PKIB: variants seen among roughly 807,000 people sequenced by gnomAD.
PKIB encodes PKI-beta.
Under a neutral mutation model 4.5 loss-of-function variants are expected in PKIB, and 2 were observed. The observed-to-expected ratio is 0.44, with a 90% CI of 0.18 to 1.39. The LOEUF (loss-of-function observed/expected upper bound fraction) is 1.39. PKIB is among the 40% of genes most tolerant of loss of function. The probability of loss-of-function intolerance (pLI) is 0.27; values close to 1 mark genes in which losing one functional copy is unlikely to be tolerated. For synonymous variants in PKIB, 38 were observed against 36.0 expected (o/e 1.06, Z -0.20); for missense variants, 94 against 92.6 (o/e 1.02, Z -0.06).
chr6:122,614,729 A>G (rs1410686112), intron 1 of PKIB, among the ~76,000 whole-genome samples: 1 of 152,156 alleles, frequency 6.6e-6, no homozygotes, highest in South Asian at 2.1e-4. Context: ...GAGCTAATAC[A>G]TCTCAGAAGA....
At chr6:122,578,577 G>C (rs1237845142) in intron 2 of PKIB, among the ~76,000 whole-genome samples, 2 of 152,038 alleles carry the variant, frequency 1.3e-5, no homozygotes, top group African/African-American at 4.8e-5. Context: ...CTTTGTCTAA[G>C]CCATCTTTCC....
Position 122,562,004 on chromosome 6 carries a change from G to GTTTTTTTTTT in PKIB, c.-247-23911_-247-23902dup, listed in dbSNP as rs758656278. Among the ~76,000 whole-genome samples the GTTTTTTTTTT allele has an allele frequency of 8.7e-3, 687 of 79,308 alleles. 12 individuals carry two copies. Among genetic ancestry groups the GTTTTTTTTTT allele is most frequent in the Non-Finnish European group, 0.01 (450 of 43,678 alleles). 52.0% of individuals were successfully genotyped at this position (79,308 alleles called of 152,430 possible). A position where few individuals can be genotyped will look rare whatever the true frequency, so the allele number is the denominator to read the frequency against. On this transcript the variant is annotated intron_variant, in intron 2 of 6. Coordinates refer to the PKIB transcript ENST00000392491. Reference sequence around the variant, plus strand: ...TTTTTGTTTGTTTTTGTTTTTTTTTGTTTTTTTTTTTTTTTGCTTTTTAAC... The same window carrying GTTTTTTTTTT: ...TTTTTGTTTGTTTTTGTTTTTTTTTGTTTTTTTTTTTTTTTTTTTTTTTTTGCTTTTTAAC...
chr6:122,712,464 G>A (rs1444683356), intron 3 of PKIB, among the ~76,000 whole-genome samples: 1 of 152,106 alleles, frequency 6.6e-6, no homozygotes, highest in Non-Finnish European at 1.5e-5. Flanking sequence ...GTAGCATAAG[G>A]GATTAGGATA....
At chr6:122,495,792 C>T (rs1034936298) in intron 2 of PKIB, among the ~76,000 whole-genome samples, 13 of 152,098 alleles carry the variant, frequency 8.5e-5, no homozygotes, top group South Asian at 2.1e-4. Context: ...TATATGTATC[C>T]GGTTGGGTGA....
At chr6:122,701,106 C>T (rs535945931) in intron 3 of PKIB, 5 of 206,498 alleles carry the variant, frequency 2.4e-5, no homozygotes, top group East Asian at 1.2e-4. Flanking sequence ...CGATGCCCTT[C>T]GGAGTCATGA....
At chr6:122,639,294 A>C (rs898051175) in intron 2 of PKIB, among the ~76,000 whole-genome samples, 1 of 152,232 alleles carries the variant, frequency 6.6e-6, no homozygotes, top group Non-Finnish European at 1.5e-5. Flanking sequence ...GAACACACAG[A>C]TACCCTTGTC....
At position 122,616,703 on chromosome 6, in the gene PKIB, G is replaced by T. The variant is rs539514523; in HGVS notation, c.-161+6168G>T. Among the ~76,000 whole-genome samples, 16 of 150,722 alleles carry T rather than the reference G, an allele frequency of 1.1e-4. No individual in the cohort carries two copies. The East Asian group carries it at 3.0e-3, about 28-fold the overall frequency. ...GTAGAAGCTTGAGATGTTTTTAAGG[G>T]TGAGTAGTTTTTTTTTTTCTTTCTA... On this transcript the variant is annotated intron_variant, in intron 1 of 4. Coordinates refer to ENST00000368452, the MANE Select transcript of PKIB (RefSeq NM_181795.3).
At chr6:122,489,587 T>C (rs1416949202) in intron 2 of PKIB, among the ~76,000 whole-genome samples, 3 of 152,076 alleles carry the variant, frequency 2.0e-5, no homozygotes, top group Non-Finnish European at 4.4e-5. Context: ...ATACTACTTA[T>C]CATTGAATGA....
chr6:122,588,468 A>C (rs1354075139), intron 3 of PKIB, among the ~76,000 whole-genome samples: 2 of 152,134 alleles, frequency 1.3e-5, no homozygotes, highest in Non-Finnish European at 2.9e-5. Context: ...CTGCATTGCC[A>C]AGTCAATCCT....
intron 3 of PKIB, among the ~76,000 whole-genome samples, chr6:122,600,564 A>C (rs1774331352): frequency 6.6e-6 from 1 of 152,210 alleles, no homozygotes; most frequent in African/African-American, 2.4e-5. Context: ...TAGAGTATTC[A>C]AAAAGTCATT....
At chr6:122,593,382 G>T (rs1488813863) in intron 3 of PKIB, among the ~76,000 whole-genome samples, 1 of 152,082 alleles carries the variant, frequency 6.6e-6, no homozygotes, top group African/African-American at 2.4e-5. Context: ...AATATTTAGT[G>T]GGGAAATGGA....
At chr6:122,654,645 A>G (rs1776697668) in intron 2 of PKIB, among the ~76,000 whole-genome samples, 1 of 152,192 alleles carries the variant, frequency 6.6e-6, no homozygotes, top group African/African-American at 2.4e-5. Flanking sequence ...GTAAACCTAC[A>G]TTTTGGTGTT....
intron 2 of PKIB, among the ~76,000 whole-genome samples, chr6:122,637,154 A>G (rs1775946655): frequency 6.6e-6 from 1 of 152,220 alleles, no homozygotes; most frequent in South Asian, 2.1e-4. Context: ...ATCAAAGGCA[A>G]AAATCATAAT....
intron 2 of PKIB, among the ~76,000 whole-genome samples, chr6:122,579,560 T>C (rs1412847844): frequency 1.3e-5 from 2 of 152,208 alleles, no homozygotes; most frequent in Non-Finnish European, 2.9e-5. Context: ...GGCTCTTTAA[T>C]CAATAATTAG....
At chr6:122,619,542 C>T (rs1340424408) in intron 1 of PKIB, among the ~76,000 whole-genome samples, 1 of 152,064 alleles carries the variant, frequency 6.6e-6, no homozygotes, top group Non-Finnish European at 1.5e-5. Context: ...AGCTGTCCCA[C>T]TGTTAGAATG....
intron 2 of PKIB, among the ~76,000 whole-genome samples, chr6:122,646,649 T>G (rs1776327448): frequency 6.6e-6 from 1 of 152,246 alleles, no homozygotes; most frequent in African/African-American, 2.4e-5. Flanking sequence ...TTAGATTCTT[T>G]ACAATGGTGA....
intron 2 of PKIB, among the ~76,000 whole-genome samples, chr6:122,518,530 C>T (rs763627304): frequency 9.2e-5 from 14 of 152,010 alleles, no homozygotes; most frequent in South Asian, 2.1e-4. Flanking sequence ...TGGAGAGGAA[C>T]GATTTGAGCT....
At chr6:122,713,453 C>T (rs1360087730) in intron 3 of PKIB, among the ~76,000 whole-genome samples, 1 of 152,164 alleles carries the variant, frequency 6.6e-6, no homozygotes, top group Non-Finnish European at 1.5e-5. Context: ...CCTCATCTTT[C>T]TGTGGGCTAT....
intron 3 of PKIB, among the ~76,000 whole-genome samples, chr6:122,716,653 GC>G (rs1779510294): frequency 1.3e-5 from 2 of 152,014 alleles, no homozygotes; most frequent in East Asian, 3.9e-4. Flanking sequence ...AATGTCAAAT[GC>G]ACCATGTTTT....
Sources: allele counts gnomAD v4.1 joint callset (sites outside exome capture counted in the v4.1 genomes callset), GRCh38; gene constraint gnomAD v4.1.1; transcripts MANE v1.5; gene names NCBI Gene and HGNC (gene_info 2026-07-23, HGNC 2026-07-21).